Variants in ADARB2 observed in about 807,000 individuals in gnomAD.
The protein encoded by ADARB2 is adenosine deaminase RNA specific B2 (inactive), also known as inactive double-stranded RNA-specific editase B2.
Under a neutral mutation model 62.2 loss-of-function variants are expected in ADARB2, and 25 were observed. That is an observed-to-expected ratio of 0.40 (90% CI 0.29 to 0.56). ADARB2 has a LOEUF of 0.56. Among genes scored for constraint, ADARB2 ranks in the 20% least tolerant of loss-of-function variants. The pLI is 0.43. For missense variants in ADARB2, 1,071 were observed against 1,077.4 expected (o/e 0.99, Z 0.08); for synonymous variants, 572 against 500.8 (o/e 1.14, Z -1.90).
chr10:1,185,011 C>A lies in ADARB2; in HGVS notation c.1893G>T (p.Pro631=). ...SGVSDAEARQ[P]GKSPPFSMNW... ...TCATGCTGAAGGGGGGCGACTTCCC[C>A]GGCTGGCGCGCCTCGGCGTCACTCA... The change falls in exon 9 of 10, where the codon CCG becomes CCT. Residue 631 remains proline, a synonymous_variant. Transcript: ENST00000381312. 6.2e-7 allele frequency: 1 copy of A among 1,613,036 alleles called. No individual in the cohort carries two copies. The highest frequency in any genetic ancestry group is 8.5e-7 in the Non-Finnish European group (1 of 1,179,814).
At position 1,518,950 on chromosome 10, in the gene ADARB2, C is replaced by T. The variant is rs147414050; in HGVS notation, c.101-139790G>A. ...CATCTGTATATGGTGTGGTCATACG[C>T]ATGCATTCCACGTAACGTCTGCATG... On this transcript the variant is annotated intron_variant, in intron 1 of 9. Coordinates refer to ENST00000381312, the MANE Select transcript of ADARB2 (RefSeq NM_018702.4). 4.9e-4 allele frequency among the ~76,000 whole-genome samples: 74 copies of T among 151,932 alleles called. 2 individuals carry two copies. The highest frequency in any genetic ancestry group is 2.9e-4 in the Non-Finnish European group (20 of 67,954).
chr10:1,709,230 TC>T (rs1179153228), intron 1 of ADARB2, among the ~76,000 whole-genome samples: 1 of 152,214 alleles, frequency 6.6e-6, no homozygotes, highest in Non-Finnish European at 1.5e-5. Context: ...GTTTAGACTT[TC>T]TGCAAATTGC....
intron 1 of ADARB2, among the ~76,000 whole-genome samples, chr10:1,523,039 G>A (rs1306645534): frequency 1.3e-5 from 2 of 152,278 alleles, no homozygotes; most frequent in East Asian, 1.9e-4. Flanking sequence ...ATGTGAGTCC[G>A]CTGCTTGGTG....
Position 1,294,128 on chromosome 10 carries a change from G to A in ADARB2, c.1078-23059C>T, listed in dbSNP as rs149437369. Among the ~76,000 whole-genome samples the A allele has an allele frequency of 3.9e-4, 59 of 152,298 alleles. 1 individual carries two copies. In the East Asian group the frequency reaches 8.9e-3, roughly 23 times the overall value. On this transcript the variant is annotated intron_variant, in intron 3 of 9. Transcript: ENST00000381312. ...GATGAAAATCAGCTGCAGTGGGTAC[G>A]AGAATAGATCATTTGAGATGAGGAA...
intron 1 of ADARB2, among the ~76,000 whole-genome samples, chr10:1,435,084 G>C (rs1197094738): frequency 1.3e-5 from 2 of 152,244 alleles, no homozygotes; most frequent in African/African-American, 4.8e-5. Flanking sequence ...TGGGTCCCCT[G>C]GGAGGCCGTG....
intron 8 of ADARB2, among the ~76,000 whole-genome samples, chr10:1,193,559 A>G (rs1836869946): frequency 6.6e-6 from 1 of 152,154 alleles, no homozygotes; most frequent in South Asian, 2.1e-4. Flanking sequence ...GCTGGTTTTC[A>G]TTGCTCTTCA....
chr10:1,557,160 T>G (rs1395776856), intron 1 of ADARB2, among the ~76,000 whole-genome samples: 1 of 151,746 alleles, frequency 6.6e-6, no homozygotes, highest in African/African-American at 2.4e-5. Context: ...CCAGTCACCA[T>G]GTCCAGTCGA....
chr10:1,736,922 G>T lies in ADARB2; in HGVS notation c.100+129C>A, dbSNP rs369215135. 8.7e-4 allele frequency: 781 copies of T among 902,340 alleles called. 9 individuals carry two copies. In the East Asian group the frequency reaches 0.018, roughly 21 times the overall value. 55.9% of individuals were successfully genotyped at this position (902,340 alleles called of 1,614,324 possible). ...TGAACTCCCGAGCGCCCTGCACGGA[G>T]CAGCCATCCCGCCAGCACCCCAAAG... On this transcript the variant is annotated intron_variant, in intron 1 of 9. Coordinates refer to ENST00000381312, the MANE Select transcript of ADARB2 (RefSeq NM_018702.4).
intron 1 of ADARB2, among the ~76,000 whole-genome samples, chr10:1,471,493 C>T (rs998061366): frequency 1.3e-5 from 2 of 152,102 alleles, no homozygotes; most frequent in African/African-American, 2.4e-5. Context: ...CAGGTTCAAG[C>T]GCTTCTCCTG....
In ADARB2 at chr10:1,406,821, C is replaced by G. The variant is rs79909122; in HGVS notation, c.101-27661G>C. 1.2e-4 allele frequency among the ~76,000 whole-genome samples: 19 copies of G among 152,310 alleles called. No homozygotes were observed. In the East Asian group the frequency reaches 3.5e-3, roughly 28 times the overall value. On this transcript the variant is annotated intron_variant, in intron 1 of 9. Transcript: ENST00000381312. ...AGTTGGGGCCCTGATTCCTGCACGT[C>G]CCAGGACTGGACGAGGATTGCCGGC...
intron 1 of ADARB2, among the ~76,000 whole-genome samples, chr10:1,516,510 C>CTAT (rs1832010896): frequency 6.6e-6 from 1 of 151,556 alleles, no homozygotes; most frequent in Non-Finnish European, 1.5e-5. Context: ...CTGCTCTGTG[C>CTAT]GGGCTGCTCT....
intron 1 of ADARB2, among the ~76,000 whole-genome samples, chr10:1,483,513 C>A (rs938785151): frequency 6.6e-6 from 1 of 151,902 alleles, no homozygotes; most frequent in Non-Finnish European, 1.5e-5. Flanking sequence ...AGAGCGAATA[C>A]TTTTCAAGAG....
chr10:1,210,435 G>A (rs1381708181), intron 7 of ADARB2, among the ~76,000 whole-genome samples: 2 of 152,182 alleles, frequency 1.3e-5, no homozygotes, highest in African/African-American at 4.8e-5. Flanking sequence ...GACTCGTGCT[G>A]TCTAGGAGAG....
intron 1 of ADARB2, among the ~76,000 whole-genome samples, chr10:1,463,980 C>A (rs541352672): frequency 6.6e-6 from 1 of 152,236 alleles, no homozygotes; most frequent in East Asian, 1.9e-4. Context: ...CCCCATAAGA[C>A]GCCTGGACAC....
At chr10:1,468,829 C>T (rs1214280871) in intron 1 of ADARB2, among the ~76,000 whole-genome samples, 13 of 152,192 alleles carry the variant, frequency 8.5e-5, no homozygotes, top group Non-Finnish European at 1.2e-4. Flanking sequence ...GGCAAACCTC[C>T]GTGCCCAAGT....
chr10:1,390,829 C>G (rs1041720089), intron 1 of ADARB2, among the ~76,000 whole-genome samples: 1 of 152,182 alleles, frequency 6.6e-6, no homozygotes, highest in African/African-American at 2.4e-5. Flanking sequence ...AACAAGAGCT[C>G]CAGAAAGCTG....
rs1378749395 is a variant in ADARB2, at chr10:1,363,056, C to A, written c.1049G>T (p.Gly350Val). Residue 350 changes from glycine (G) to valine (V), a missense_variant, in exon 3 of 10, where the codon GGC becomes GTC. By Grantham distance (109) the Gly-to-Val change is moderately radical. Transcript: ENST00000381312. ...FDIQMPGHAPGRARRTPMPQE... is the reference protein window; with the variant it reads ...FDIQMPGHAPVRARRTPMPQE... Reference sequence around the variant, plus strand: ...CGGCATTGGCGTCCTCCTGGCCCTGCCGGGCGCGTGGCCGGGCATCTGGAT... The same window carrying A: ...CGGCATTGGCGTCCTCCTGGCCCTGACGGGCGCGTGGCCGGGCATCTGGAT... The A allele has an allele frequency of 6.9e-7, 1 of 1,439,628 alleles. No individual in the cohort carries two copies. Among genetic ancestry groups the A allele is most frequent in the Non-Finnish European group, 9.1e-7 (1 of 1,097,892 alleles). The allele number at this position is 1,439,628 out of a possible 1,614,324, so 89.2% of individuals were successfully genotyped here. A position where few individuals can be genotyped will look rare whatever the true frequency, so the allele number is the denominator to read the frequency against.
intron 1 of ADARB2, among the ~76,000 whole-genome samples, chr10:1,558,390 G>A (rs1392555558): frequency 1.8e-5 from 2 of 112,662 alleles, no homozygotes; most frequent in Non-Finnish European, 3.5e-5. Context: ...ATCTAAACTC[G>A]AATCCCACCT....
chr10:1,456,961 A>AT (rs1311894554), intron 1 of ADARB2, among the ~76,000 whole-genome samples: 1 of 137,774 alleles, frequency 7.3e-6, no homozygotes, highest in African/African-American at 2.5e-5. Flanking sequence ...CGCCTGGCTA[A>AT]TTTTTTGTAT....
Sources: allele counts gnomAD v4.1 joint callset (sites outside exome capture counted in the v4.1 genomes callset), GRCh38; gene constraint gnomAD v4.1.1; transcripts MANE v1.5; gene names NCBI Gene and HGNC (gene_info 2026-07-23, HGNC 2026-07-21).